ZNF800: variants seen among roughly 807,000 people sequenced by gnomAD.
ZNF800 encodes the protein zinc finger protein 800.
In ZNF800, 13 loss-of-function variants were observed where a neutral mutation model predicts 59.5. The observed-to-expected ratio is 0.22, with a 90% CI of 0.14 to 0.35. The LOEUF is 0.35. Ranked by LOEUF, ZNF800 falls within the 10% of genes least tolerant of loss-of-function variation. The pLI, the probability that ZNF800 is intolerant of heterozygous loss-of-function variation, is 1.00. For synonymous variants in ZNF800, 266 were observed against 265.7 expected (o/e 1.00, Z -0.01); for missense variants, 621 against 783.7 (o/e 0.79, Z 2.48).
At chr7:127,389,159 AGAGT>A (rs1801232353) in intron 2 of ZNF800, among the ~76,000 whole-genome samples, 1 of 152,096 alleles carries the variant, frequency 6.6e-6, no homozygotes, top group South Asian at 2.1e-4. Flanking sequence ...TTAGGGAGAG[AGAGT>A]AAGTGGAAGG....
chr7:127,377,403 T>C lies in ZNF800; in HGVS notation c.158-74A>G, dbSNP rs1335005067. 7.7e-7 allele frequency: 1 copy of C among 1,294,654 alleles called. No homozygotes were observed. The highest frequency in any genetic ancestry group is 1.5e-5 in the African/African-American group (1 of 67,056). 80.2% of individuals were successfully genotyped at this position (1,294,654 alleles called of 1,614,324 possible). On this transcript the variant is annotated intron_variant, in intron 3 of 5. Coordinates refer to ENST00000265827, the MANE Select transcript of ZNF800 (RefSeq NM_176814.5). The surrounding 1 kb of genome is among the most constrained non-coding windows in gnomAD (Gnocchi z 4.7). ...ATGCACTTTTAAACTGGACAACCAC[T>C]GTTGACAGACCAAAAGTGCAGTTAC...
chr7:127,349,758 G>A (rs1024580453), intron 1 of ZNF800: 2 of 152,216 alleles, frequency 1.3e-5, no homozygotes, highest in Non-Finnish European at 2.9e-5. Flanking sequence ...GGTTATAGGA[G>A]CTTTTAATAA....
chr7:127,367,557 C>A (rs756402750), downstream of ZNF800, among the ~76,000 whole-genome samples: 3 of 152,124 alleles, frequency 2.0e-5, no homozygotes, highest in Non-Finnish European at 4.4e-5. Context: ...TGGCATATAA[C>A]AAGCATGCCA....
intron 4 of ZNF800, 68 bp from the exon 5 acceptor site, chr7:127,375,102 A>C: frequency 1.5e-6 from 2 of 1,304,762 alleles, no homozygotes; most frequent in Non-Finnish European, 2.1e-6. Context: ...ATATTTTAAG[A>C]TATATTATGA....
At chr7:127,366,559 AT>A (rs1380426766), downstream of ZNF800, among the ~76,000 whole-genome samples, 4 of 152,184 alleles carry the variant, frequency 2.6e-5, no homozygotes, top group Non-Finnish European at 4.4e-5. Flanking sequence ...TATTTTCCAC[AT>A]TTTCTCAGTA....
downstream of ZNF800, among the ~76,000 whole-genome samples, chr7:127,345,907 C>A (rs750277048): frequency 1.6e-4 from 24 of 152,208 alleles, no homozygotes; most frequent in Non-Finnish European, 2.4e-4. Flanking sequence ...AGATGGTTCA[C>A]AGATGGAGAA....
Position 127,374,458 on chromosome 7 carries a change from C to A in ZNF800, c.878G>T (p.Cys293Phe), listed in dbSNP as rs1214333989. The A allele has an allele frequency of 6.2e-7, 1 of 1,614,058 alleles. No homozygotes were observed. Among genetic ancestry groups the A allele is most frequent in the Admixed American group, 1.7e-5 (1 of 60,010 alleles). Residue 293 changes from cysteine (C) to phenylalanine (F), a missense_variant, in exon 5 of 6, where the codon TGT (cysteine) becomes TTT (phenylalanine). Transcript: ENST00000265827. ...ATTCGCTTTTGTAGCAAATGATTTA[C>A]AACATACTGGACAACTCCTACTTAA... ...VPLSRSCPVC[C>F]KSFATKANVR...
Position 127,374,826 on chromosome 7 carries a change from T to C in ZNF800, c.510A>G (p.Ile170Met). Residue 170 changes from isoleucine to methionine, a missense_variant, in exon 5 of 6, where the codon ATA (isoleucine) becomes ATG (methionine). Around this residue, in one of 7 missense-constraint regions of ZNF800, gnomAD observed 218 missense variants for 230.8 expected, o/e 0.94. Transcript: ENST00000265827. ...SSTPEQTEVQIQETSTEQSKT... is the reference protein window; with the variant it reads ...SSTPEQTEVQMQETSTEQSKT... ...TTGACTGTTCAGTGCTAGTTTCCTG[T>C]ATCTGAACTTCGGTTTGTTCAGGAG... The C allele has an allele frequency of 6.2e-7, 1 of 1,613,508 alleles. No individual in the cohort carries two copies. The highest frequency in any genetic ancestry group is 8.5e-7 in the Non-Finnish European group (1 of 1,179,760).
At chr7:127,349,939 A>T (rs1205953871) in intron 1 of ZNF800, 1 of 152,242 alleles carries the variant, frequency 6.6e-6, no homozygotes, top group Non-Finnish European at 1.5e-5. Flanking sequence ...TGTCTCCTGC[A>T]CTGTGCTCAG....
At chr7:127,373,305 G>A (rs754172798) in intron 5 of ZNF800, 37 bp downstream of exon 5, 36 of 1,533,162 alleles carry the variant, frequency 2.3e-5, no homozygotes, top group African/African-American at 4.2e-5. Flanking sequence ...TAGTTCGATG[G>A]GGGGAAAAAA....
downstream of ZNF800, among the ~76,000 whole-genome samples, chr7:127,368,662 C>A (rs1234994613): frequency 6.6e-6 from 1 of 152,010 alleles, no homozygotes; most frequent in Non-Finnish European, 1.5e-5. Flanking sequence ...TGCAACTTCA[C>A]AACAGGGAAT....
At chr7:127,347,166 G>A (rs1800081417) in exon 2 of ZNF800, 1 of 152,224 alleles carries the variant, frequency 6.6e-6, no homozygotes, top group Admixed American at 6.5e-5. Flanking sequence ...ATGATGACAT[G>A]GTCTAGAACT....
At chr7:127,353,806 T>C (rs770228439) in intron 1 of ZNF800, among the ~76,000 whole-genome samples, 1 of 151,472 alleles carries the variant, frequency 6.6e-6, no homozygotes, top group African/African-American at 2.4e-5. Context: ...TATTTTTCTC[T>C]GAAAGTTAAA....
chr7:127,358,492 T>C (rs557521451), intron 1 of ZNF800, among the ~76,000 whole-genome samples: 2 of 152,192 alleles, frequency 1.3e-5, no homozygotes, highest in Non-Finnish European at 2.9e-5. Flanking sequence ...TATGTCCCTG[T>C]TTATAATCTT....
chr7:127,373,285 ATTT>A, intron 5 of ZNF800, 54 bp downstream of exon 5: 1 of 1,439,314 alleles, frequency 6.9e-7, no homozygotes, highest in Non-Finnish European at 9.2e-7. Flanking sequence ...TGGTCAAATG[ATTT>A]TTTTTTTAGT....
At position 127,384,334 on chromosome 7, in the gene ZNF800, C is replaced by T. The variant is rs865839634; in HGVS notation, c.157+1726G>A. Among the ~76,000 whole-genome samples, 17 of 148,450 alleles carry T rather than the reference C, an allele frequency of 1.1e-4. No individual in the cohort carries two copies. The South Asian group carries it at 1.7e-3, about 15-fold the overall frequency. ...CTGCAAGCTCCCCCTCCCGGGTTCA[C>T]GCCATTCTCCTGCCTCAGCCTCTCG... On this transcript the variant is annotated intron_variant, in intron 3 of 5. Transcript: ENST00000265827.
At chr7:127,391,415 G>T in intron 2 of ZNF800, 82 bp downstream of exon 2, 1 of 1,333,940 alleles carries the variant, frequency 7.5e-7, no homozygotes, top group Non-Finnish European at 1.1e-6. Flanking sequence ...TACTGGGGCA[G>T]GAGGAAAAAA....
chr7:127,389,163 T>A (rs531428347), intron 2 of ZNF800, among the ~76,000 whole-genome samples: 9 of 151,380 alleles, frequency 5.9e-5, no homozygotes, highest in Non-Finnish European at 1.3e-4. Context: ...GGAGAGAGAG[T>A]AAGTGGAAGG....
downstream of ZNF800, among the ~76,000 whole-genome samples, chr7:127,368,247 G>T (rs1800553993): frequency 6.6e-6 from 1 of 152,130 alleles, no homozygotes; most frequent in Admixed American, 6.6e-5. Flanking sequence ...TTTTAAGTGA[G>T]ACATGTTTTT....
Sources: allele counts gnomAD v4.1 joint callset (sites outside exome capture counted in the v4.1 genomes callset), GRCh38; gene constraint gnomAD v4.1.1; regional missense constraint gnomAD v4.1.1; non-coding constraint Gnocchi (gnomAD v3.1); transcripts MANE v1.5; gene names NCBI Gene and HGNC (gene_info 2026-07-23, HGNC 2026-07-21).